The following HDAC8 variants were observed in gnomAD, a reference collection of about 807,000 sequenced individuals.
The protein encoded by HDAC8 is histone deacetylase 8.
Under a neutral mutation model 32.2 loss-of-function variants are expected in HDAC8, and 1 was observed. The ratio of observed to expected loss-of-function variants is 0.03; its 90% CI spans 0.01 to 0.15. The LOEUF is 0.15. HDAC8 is among the 10% of genes least tolerant of loss of function. The probability of loss-of-function intolerance (pLI) is 1.00; values close to 1 mark genes in which losing one functional copy is unlikely to be tolerated. For synonymous variants in HDAC8, 108 were observed against 113.9 expected, an observed-to-expected ratio of 0.95 and a Z score of 0.33; for missense variants, 117 against 300.0, an observed-to-expected ratio of 0.39 and a Z score of 4.51.
intron 9 of HDAC8, among the ~76,000 whole-genome samples, chrX:72,402,744 G>A (rs903751873): frequency 1.4e-4 from 16 of 111,217 alleles, no homozygotes; most frequent in African/African-American, 4.6e-4. Context: ...GGTGCATTCT[G>A]GAGAATGTAA....
chrX:72,527,616 C>A (rs182071833), intron 4 of HDAC8, among the ~76,000 whole-genome samples: 1 of 111,033 alleles, frequency 9.0e-6, no homozygotes, highest in African/African-American at 3.3e-5. Context: ...CTTGACTTTG[C>A]AAATGCTGAT....
intron 9 of HDAC8, among the ~76,000 whole-genome samples, chrX:72,427,838 A>G (rs2046694586): frequency 8.9e-6 from 1 of 112,201 alleles, no homozygotes; most frequent in Non-Finnish European, 1.9e-5. Context: ...AATGTAGGAA[A>G]AAAGTACTAT....
At chrX:72,355,785 C>T (rs1251240301) in intron 9 of HDAC8, among the ~76,000 whole-genome samples, 4 of 111,820 alleles carry the variant, frequency 3.6e-5, no homozygotes, top group African/African-American at 1.3e-4. Flanking sequence ...GCTGTTATTC[C>T]TCCATAATCA....
intron 9 of HDAC8, among the ~76,000 whole-genome samples, chrX:72,391,463 GCTATATGTGCAAGGCA>G (rs1245788467): frequency 3.6e-5 from 4 of 112,402 alleles, no homozygotes; most frequent in African/African-American, 1.3e-4. Flanking sequence ...TTGAGGGCCT[GCTATATGTGCAAGGCA>G]CTAACTAGAT....
At chrX:72,558,033 G>T (rs1899999904) in intron 4 of HDAC8, among the ~76,000 whole-genome samples, 1 of 111,569 alleles carries the variant, frequency 9.0e-6, no homozygotes, top group Non-Finnish European at 1.9e-5. Flanking sequence ...ATTAAACCAG[G>T]AACATAAAGC....
chrX:72,495,300 C>A, intron 4 of HDAC8, 32 bp from the exon 5 acceptor site: 1 of 1,015,297 alleles, frequency 9.8e-7, no homozygotes, highest in Non-Finnish European at 1.4e-6. Flanking sequence ...CAGCCAACAG[C>A]CAAAAAGCAA....
chrX:72,406,412 G>A (rs2046038935), intron 9 of HDAC8, among the ~76,000 whole-genome samples: 1 of 110,899 alleles, frequency 9.0e-6, no homozygotes, highest in African/African-American at 3.3e-5. Flanking sequence ...TATTTTTTTT[G>A]TAGAGATGAG....
At chrX:72,375,289 A>T (rs782001546) in intron 9 of HDAC8, among the ~76,000 whole-genome samples, 3 of 112,286 alleles carry the variant, frequency 2.7e-5, no homozygotes, top group Non-Finnish European at 5.6e-5. Flanking sequence ...AGATGAATAA[A>T]TCTATCATTT....
intron 7 of HDAC8, among the ~76,000 whole-genome samples, chrX:72,473,183 T>G (rs2048235657): frequency 1.8e-5 from 2 of 112,552 alleles, no homozygotes; most frequent in Admixed American, 1.9e-4. Context: ...ATGGCCTACC[T>G]TTAAAATCTT....
rs782458037 is a variant in HDAC8, at chrX:72,423,569, A to G, written c.1005+38435T>C. ...TATTCTAAAATTTTTGGCTAAATTA[A>G]CATTCAATGTTTAAATTATGATGAC... On this transcript the variant is annotated intron_variant, in intron 9 of 10. Transcript: ENST00000373573. Among the ~76,000 whole-genome samples, 12 of 112,558 alleles carry G rather than the reference A, an allele frequency of 1.1e-4. No individual in the cohort carries two copies. The Middle Eastern group carries it at 0.014, about 129-fold the overall frequency.
rs1462028813 is a variant in HDAC8, at chrX:72,450,732, GA to G, written c.1005+11271del. 3.6e-5 allele frequency among the ~76,000 whole-genome samples: 4 copies of G among 110,697 alleles called. 1 individual carries two copies. The highest frequency in any genetic ancestry group is 7.6e-5 in the Non-Finnish European group (4 of 52,803). ...ACTGTAGCCTGGAGAGAAAAAAACT[GA>G]AAAAAATAGTAAGCTCACTTCAGTG... On this transcript the variant is annotated intron_variant, in intron 9 of 10. Transcript: ENST00000373573.
intron 9 of HDAC8, among the ~76,000 whole-genome samples, chrX:72,450,941 T>C (rs2047554828): frequency 9.0e-6 from 1 of 111,329 alleles, no homozygotes; most frequent in African/African-American, 3.3e-5. Context: ...ACTTTTTGAG[T>C]CCTGATATGA....
intron 9 of HDAC8, among the ~76,000 whole-genome samples, chrX:72,368,936 A>G (rs1359048229): frequency 8.9e-6 from 1 of 112,135 alleles, no homozygotes; most frequent in Admixed American, 9.4e-5. Flanking sequence ...ATGCTTCTTC[A>G]ACACTGGTTT....
chrX:72,490,603 C>T (rs1207507489), intron 6 of HDAC8, among the ~76,000 whole-genome samples: 7 of 55,701 alleles, frequency 1.3e-4, no homozygotes, highest in Admixed American at 3.0e-4. Flanking sequence ...GGGACTGTTG[C>T]GGGGTGGGGG....
At chrX:72,331,080 A>G (rs1414308140) in intron 10 of HDAC8, among the ~76,000 whole-genome samples, 2 of 104,554 alleles carry the variant, frequency 1.9e-5, no homozygotes, top group Non-Finnish European at 3.9e-5. Flanking sequence ...CCGAGTAACT[A>G]TGACTACAGG....
chrX:72,468,967 G>A (rs2148056809), intron 7 of HDAC8, among the ~76,000 whole-genome samples: 1 of 111,221 alleles, frequency 9.0e-6, no homozygotes, highest in East Asian at 2.8e-4. Context: ...CAATAGTGAT[G>A]TCCACCTGCA....
intron 9 of HDAC8, among the ~76,000 whole-genome samples, chrX:72,420,628 G>A (rs969531880): frequency 5.4e-5 from 6 of 111,147 alleles, no homozygotes; most frequent in Non-Finnish European, 1.1e-4. Context: ...TTTTTTCAGC[G>A]TTTGCTTCAT....
chrX:72,391,635 G>T (rs2045614144), intron 9 of HDAC8, among the ~76,000 whole-genome samples: 1 of 111,445 alleles, frequency 9.0e-6, no homozygotes, highest in African/African-American at 3.3e-5. Context: ...ACTTATATTT[G>T]CCCTCTCAAG....
chrX:72,519,261 T>C (rs980109174), intron 4 of HDAC8, among the ~76,000 whole-genome samples: 2 of 112,371 alleles, frequency 1.8e-5, no homozygotes, highest in South Asian at 7.4e-4. Context: ...ATAGAGCTGC[T>C]ATGAACATTT....
Sources: gnomAD v4.1 joint callset for allele counts (sites outside exome capture counted in the v4.1 genomes callset) on GRCh38, gnomAD v4.1.1 for gene constraint, MANE v1.5 for transcripts, NCBI Gene and HGNC (gene_info 2026-07-23, HGNC 2026-07-21) for gene names.